CCDC198: variants seen among roughly 807,000 people sequenced by gnomAD.
CCDC198 encodes factor associated with metabolism and energy.
CCDC198 carries 18 observed loss-of-function variants against 35.6 expected under a neutral mutation model. The ratio of observed to expected loss-of-function variants is 0.51; its 90% CI spans 0.35 to 0.75. The LOEUF is 0.75. Among genes scored for constraint, CCDC198 ranks in the 30% least tolerant of loss-of-function variants. The probability of loss-of-function intolerance (pLI) is 0.01; values close to 1 mark genes in which losing one functional copy is unlikely to be tolerated. For synonymous variants in CCDC198, 119 were observed against 113.4 expected, an observed-to-expected ratio of 1.05 and a Z score of -0.31; for missense variants, 365 against 343.7, an observed-to-expected ratio of 1.06 and a Z score of -0.49.
At chr14:57,491,242 A>G (rs1185523320) in intron 1 of CCDC198, among the ~76,000 whole-genome samples, 171 bp from the exon 2 acceptor site, 1 of 152,130 alleles carries the variant, frequency 6.6e-6, no homozygotes, top group African/African-American at 2.4e-5. Context: ...GGGAACCTAC[A>G]TTAGTGCACA....
intron 5 of CCDC198, chr14:57,475,788 C>CTTTTTTTTTTTTTTTTTTTT (rs548486752): frequency 9.6e-6 from 1 of 104,366 alleles, no homozygotes; most frequent in East Asian, 5.5e-4. Flanking sequence ...CACTTAGCTT[C>CTTTTTTTTTTTTTTTTTTTT]TTTTTTTTTT....
chr14:57,489,471 A>T (rs2067485696), intron 2 of CCDC198, among the ~76,000 whole-genome samples: 1 of 152,100 alleles, frequency 6.6e-6, no homozygotes, highest in Admixed American at 6.6e-5. Context: ...TCACCGTGGC[A>T]CTTATTTACT....
chr14:57,484,336 A>C (rs1013736526), intron 2 of CCDC198, among the ~76,000 whole-genome samples: 1 of 152,212 alleles, frequency 6.6e-6, no homozygotes, highest in East Asian at 1.9e-4. Context: ...CACGATGTGA[A>C]GATGAAGAGA....
chr14:57,484,724 G>C (rs1033028821), intron 2 of CCDC198, among the ~76,000 whole-genome samples: 1 of 152,218 alleles, frequency 6.6e-6, no homozygotes, highest in Non-Finnish European at 1.5e-5. Context: ...GGTGAGGCAG[G>C]GGCCAGGTCA....
chr14:57,480,090 A>G (rs1459055739), intron 5 of CCDC198, among the ~76,000 whole-genome samples: 1 of 152,218 alleles, frequency 6.6e-6, no homozygotes, highest in East Asian at 1.9e-4. Context: ...TCACTGAGCC[A>G]GTAGATCAGC....
chr14:57,480,514 C>T lies in CCDC198; in HGVS notation c.655+81G>A, dbSNP rs1352851518. 2.0e-6 allele frequency: 3 copies of T among 1,504,366 alleles called. No individual in the cohort carries two copies. In the African/African-American group the frequency reaches 4.2e-5, roughly 21 times the overall value. The allele number at this position is 1,504,366 out of a possible 1,614,324, so 93.2% of individuals were successfully genotyped here. A position where few individuals can be genotyped will look rare whatever the true frequency, so the allele number is the denominator to read the frequency against. ...TCAAAGCTGTTTGCTGTCTTCTCATCATGTCCCTCCCTTGGTAGTTTATTT... is the reference window on the plus strand; with the variant it reads ...TCAAAGCTGTTTGCTGTCTTCTCATTATGTCCCTCCCTTGGTAGTTTATTT... On this transcript the variant is annotated intron_variant, in intron 5 of 5. Coordinates refer to ENST00000216445, the MANE Select transcript of CCDC198 (RefSeq NM_018168.4).
At chr14:57,479,746 C>T (rs1487745742) in intron 5 of CCDC198, among the ~76,000 whole-genome samples, 1 of 152,086 alleles carries the variant, frequency 6.6e-6, no homozygotes, top group Non-Finnish European at 1.5e-5. Context: ...GTGGTTAAAC[C>T]CAGAGTACTG....
In CCDC198 at chr14:57,483,069, G is replaced by C. The variant is rs1304850787; in HGVS notation, c.389C>G (p.Ala130Gly). ...SQREARTMHK[A>G]KQVLEKKMQT... is the part of the protein sequence containing the mutation. ...CAGGTTACTGCTGCAGCTCACCTTTGCTTTGTGCATTGTCCTGGCTTCTCG... is the reference window on the plus strand; with the variant it reads ...CAGGTTACTGCTGCAGCTCACCTTTCCTTTGTGCATTGTCCTGGCTTCTCG... Residue 130 changes from alanine to glycine, a missense_variant, in exon 3 of 6, where the codon GCA becomes GGA. Ala to Gly is a moderately conservative substitution (Grantham distance 60, BLOSUM62 0). Coordinates refer to ENST00000216445, the MANE Select transcript of CCDC198 (RefSeq NM_018168.4). 1.9e-6 allele frequency: 3 copies of C among 1,613,990 alleles called. No homozygotes were observed. The highest frequency in any genetic ancestry group is 2.5e-6 in the Non-Finnish European group (3 of 1,179,938).
chr14:57,483,882 T>G (rs544601623), intron 2 of CCDC198, among the ~76,000 whole-genome samples: 1 of 152,306 alleles, frequency 6.6e-6, no homozygotes, highest in African/African-American at 2.4e-5. Flanking sequence ...GTTCCTTCAG[T>G]GACTACTTAA....
At position 57,492,174 on chromosome 14, in the gene CCDC198, T is replaced by A. The variant is rs556286727; in HGVS notation, c.224-1103A>T. 2.9e-3 allele frequency among the ~76,000 whole-genome samples: 448 copies of A among 152,176 alleles called. 1 individual carries two copies. Among genetic ancestry groups the A allele is most frequent in the African/African-American group, 0.01 (419 of 41,552 alleles). ...GTCAGGCATTTATTTTTACCCCTGA[T>A]TACAAGTGAAAAAAATTGATGAAGT... On this transcript the variant is annotated intron_variant, in intron 1 of 5. Coordinates refer to ENST00000216445, the MANE Select transcript of CCDC198 (RefSeq NM_018168.4).
At chr14:57,485,702 G>A (rs2067337683) in intron 2 of CCDC198, among the ~76,000 whole-genome samples, 1 of 152,156 alleles carries the variant, frequency 6.6e-6, no homozygotes. Flanking sequence ...CCTTTCTGCT[G>A]GAGCAGCCCA....
intron 2 of CCDC198, among the ~76,000 whole-genome samples, chr14:57,483,818 G>T (rs545886337): frequency 6.6e-6 from 1 of 152,156 alleles, no homozygotes; most frequent in Non-Finnish European, 1.5e-5. Context: ...GACAAAGTCT[G>T]GTCTCTTGAC....
intron 2 of CCDC198, chr14:57,483,425 G>A: frequency 2.7e-6 from 1 of 363,940 alleles, no homozygotes; most frequent in South Asian, 3.5e-5. Context: ...TCTTCTGTCT[G>A]CATTAAGGGA....
intron 1 of CCDC198, among the ~76,000 whole-genome samples, chr14:57,493,077 A>T (rs1026241996): frequency 1.9e-4 from 29 of 152,184 alleles, no homozygotes; most frequent in African/African-American, 6.5e-4. Context: ...TTGCTTTCAA[A>T]ACCACAAAGT....
intron 5 of CCDC198, among the ~76,000 whole-genome samples, chr14:57,475,041 C>T (rs912482113): frequency 1.3e-5 from 2 of 152,130 alleles, no homozygotes; most frequent in Non-Finnish European, 2.9e-5. Flanking sequence ...GCGGGCGGAT[C>T]ACGAGGTCAG....
At chr14:57,484,121 G>T (rs1320493250) in intron 2 of CCDC198, among the ~76,000 whole-genome samples, 1 of 152,202 alleles carries the variant, frequency 6.6e-6, no homozygotes, top group Non-Finnish European at 1.5e-5. Context: ...TGTGTTAGGG[G>T]TTGAATTGTG....
chr14:57,482,970 A>C, intron 3 of CCDC198, 95 bp downstream of exon 3: 1 of 1,539,354 alleles, frequency 6.5e-7, no homozygotes, highest in Non-Finnish European at 8.9e-7. Context: ...TCCTCCATGC[A>C]GAGAGTGCAT....
Position 57,478,941 on chromosome 14 carries a change from C to T in CCDC198, c.655+1654G>A, listed in dbSNP as rs192558387. ...TTCTGCAGCTCTCTCAGCGGTGGGTCAGTCCTGCTGATGTGGGGATTTGGC... is the reference window on the plus strand; with the variant it reads ...TTCTGCAGCTCTCTCAGCGGTGGGTTAGTCCTGCTGATGTGGGGATTTGGC... On this transcript the variant is annotated intron_variant, in intron 5 of 5. Transcript: ENST00000216445. 893 of 1,285,312 alleles carry T rather than the reference C, an allele frequency of 6.9e-4. 7 individuals are homozygous for T. The African/African-American group carries it at 0.012, about 18-fold the overall frequency. The allele number at this position is 1,285,312 out of a possible 1,614,324, so 79.6% of individuals were successfully genotyped here.
At position 57,469,327 on chromosome 14, in the gene CCDC198, T is replaced by C. The variant is rs2066776845; in HGVS notation, c.*2028A>G. On this transcript the variant is annotated 3_prime_UTR_variant, in exon 6 of 6. Transcript: ENST00000216445. ...CATTAATTCAGCAAACATTTAATGA[T>C]AAACTCTTTGCCAGCTGTCCTGCTA... 1 of 152,236 alleles carries C rather than the reference T, an allele frequency of 6.6e-6. No individual in the cohort carries two copies. Among genetic ancestry groups the C allele is most frequent in the Non-Finnish European group, 1.5e-5 (1 of 68,040 alleles). 9.4% of individuals were successfully genotyped at this position (152,236 alleles called of 1,614,324 possible). A position where few individuals can be genotyped will look rare whatever the true frequency, so the allele number is the denominator to read the frequency against.
Sources: allele counts gnomAD v4.1 joint callset (sites outside exome capture counted in the v4.1 genomes callset), GRCh38; gene constraint gnomAD v4.1.1; transcripts MANE v1.5; gene names NCBI Gene and HGNC (gene_info 2026-07-23, HGNC 2026-07-21).